The following MPHOSPH9 variants were observed in gnomAD, a reference collection of about 807,000 sequenced individuals.
MPHOSPH9 encodes M-phase phosphoprotein 9.
MPHOSPH9 carries 88 observed loss-of-function variants against 145.5 expected under a neutral mutation model. That is an observed-to-expected ratio of 0.60 (90% CI 0.51 to 0.72). The LOEUF is 0.72. MPHOSPH9 is among the 30% of genes least tolerant of loss of function. MPHOSPH9 has a pLI of 0.00. For missense variants in MPHOSPH9, 1,238 were observed against 1,386.6 expected, an observed-to-expected ratio of 0.89 and a Z score of 1.70; for synonymous variants, 435 against 486.2, an observed-to-expected ratio of 0.89 and a Z score of 1.39.
In MPHOSPH9 at chr12:123,191,864, A is replaced by G. The variant is rs572069402; in HGVS notation, c.2241+2522T>C. Among the ~76,000 whole-genome samples the G allele has an allele frequency of 9.2e-5, 14 of 152,294 alleles. No homozygotes were observed. In the East Asian group the frequency reaches 2.3e-3, roughly 25 times the overall value. Reference sequence around the variant, plus strand: ...GTAAAGAACCGCAATCCACTGAGTAAAATAAGAATCCATCAATCTTCTTTA... The same window carrying G: ...GTAAAGAACCGCAATCCACTGAGTAGAATAAGAATCCATCAATCTTCTTTA... On this transcript the variant is annotated intron_variant, in intron 13 of 23. Transcript: ENST00000606320.
intron 13 of MPHOSPH9, 54 bp downstream of exon 13, chr12:123,194,332 C>T (rs904273226): frequency 9.6e-7 from 1 of 1,045,636 alleles, no homozygotes; most frequent in Non-Finnish European, 1.4e-6. Context: ...GAGTATAATA[C>T]CTAAATTACT....
intron 3 of MPHOSPH9, among the ~76,000 whole-genome samples, chr12:123,225,929 G>A (rs1039678933): frequency 2.0e-5 from 3 of 152,084 alleles, no homozygotes; most frequent in Non-Finnish European, 2.9e-5. Flanking sequence ...TCAGCTACTC[G>A]GGAGACTGAG....
intron 23 of MPHOSPH9, among the ~76,000 whole-genome samples, chr12:123,158,247 AG>A (rs1224211143): frequency 6.6e-6 from 1 of 151,882 alleles, no homozygotes; most frequent in African/African-American, 2.4e-5. Flanking sequence ...TGCCCACCTC[AG>A]CCTCCCAAAG....
At position 123,163,199 on chromosome 12, in the gene MPHOSPH9, A is replaced by T. The variant is rs78475793; in HGVS notation, c.2909-65T>A. Reference sequence around the variant, plus strand: ...ATATGTATCAGCATAACAGTTTCTTATTCAGTATTTTTTTTCTAATTTTGA... The same window carrying T: ...ATATGTATCAGCATAACAGTTTCTTTTTCAGTATTTTTTTTCTAATTTTGA... On this transcript the variant is annotated intron_variant, in intron 19 of 23. Transcript: ENST00000606320. The T allele has an allele frequency of 1.1e-4, 154 of 1,445,842 alleles. No homozygotes were observed. In the African/African-American group the frequency reaches 2.1e-3, roughly 19 times the overall value. The allele number at this position is 1,445,842 out of a possible 1,614,324, so 89.6% of individuals were successfully genotyped here. A position where few individuals can be genotyped will look rare whatever the true frequency, so the allele number is the denominator to read the frequency against.
At chr12:123,193,126 C>G (rs1005413289) in intron 13 of MPHOSPH9, among the ~76,000 whole-genome samples, 15 of 142,942 alleles carry the variant, frequency 1.0e-4, no homozygotes, top group Non-Finnish European at 2.3e-4. Context: ...CACACACACA[C>G]ACACACACAC....
chr12:123,198,168 A>C, intron 12 of MPHOSPH9, 79 bp downstream of exon 12: 1 of 1,091,782 alleles, frequency 9.2e-7, no homozygotes, highest in Non-Finnish European at 1.4e-6. Flanking sequence ...TTCCTTAAAA[A>C]GACAAGAAAC....
Position 123,202,220 on chromosome 12 carries a change from T to C in MPHOSPH9, c.1881A>G (p.Ala627=), listed in dbSNP as rs1297570008. ...AATCTTCAACTCCAGAGATTTCTTT[T>C]GCCTCCAGCTTCTGTTTCAAACTAT... ...EINSLKQKLE[A]KEISGVEDWK... Residue 627 remains alanine (A), a synonymous_variant, in exon 11 of 24, where the codon GCA becomes GCG. Coordinates refer to ENST00000606320, the MANE Select transcript of MPHOSPH9 (RefSeq NM_022782.4). 1 of 1,613,630 alleles carries C rather than the reference T, an allele frequency of 6.2e-7. No individual in the cohort carries two copies. The highest frequency in any genetic ancestry group is 1.1e-5 in the South Asian group (1 of 90,914).
At chr12:123,173,866 T>C (rs535903420) in intron 16 of MPHOSPH9, among the ~76,000 whole-genome samples, 1 of 152,346 alleles carries the variant, frequency 6.6e-6, no homozygotes, top group South Asian at 2.1e-4. Flanking sequence ...TAAGCCACTC[T>C]GGCAAATTAA....
intron 16 of MPHOSPH9, among the ~76,000 whole-genome samples, chr12:123,171,645 A>G (rs1250137654): frequency 6.7e-6 from 1 of 150,210 alleles, no homozygotes; most frequent in Non-Finnish European, 1.5e-5. Context: ...GCTACTTGGG[A>G]AGCTGAGGCA....
At chr12:123,169,588 T>C (rs994110198) in intron 16 of MPHOSPH9, among the ~76,000 whole-genome samples, 11 of 151,968 alleles carry the variant, frequency 7.2e-5, no homozygotes, top group African/African-American at 2.7e-4. Context: ...TTTTAATAAA[T>C]GCTAAGATCT....
At chr12:123,152,429 A>C (rs1279666914), downstream of MPHOSPH9, 2 of 369,996 alleles carry the variant, frequency 5.4e-6, no homozygotes, top group Non-Finnish European at 1.1e-5. Flanking sequence ...GGCTAGATTC[A>C]GAAACAACTG....
intron 12 of MPHOSPH9, among the ~76,000 whole-genome samples, chr12:123,197,796 A>G (rs928583466): frequency 2.1e-5 from 3 of 143,000 alleles, no homozygotes; most frequent in African/African-American, 7.9e-5. Flanking sequence ...AAAAGAAAAA[A>G]AAAAAAAAAG....
At chr12:123,191,732 T>C (rs770953325) in intron 13 of MPHOSPH9, among the ~76,000 whole-genome samples, 1 of 152,192 alleles carries the variant, frequency 6.6e-6, no homozygotes, top group South Asian at 2.1e-4. Context: ...CCAGGAAATA[T>C]GGACATGCTC....
chr12:123,217,590 G>A (rs2047021590), intron 6 of MPHOSPH9, among the ~76,000 whole-genome samples: 1 of 151,990 alleles, frequency 6.6e-6, no homozygotes, highest in African/African-American at 2.4e-5. Flanking sequence ...ATTACTCTCT[G>A]GCTAAATGTA....
At chr12:123,201,257 T>TA (rs1336178960) in intron 11 of MPHOSPH9, among the ~76,000 whole-genome samples, 1 of 150,440 alleles carries the variant, frequency 6.6e-6, no homozygotes, top group African/African-American at 2.4e-5. Flanking sequence ...TTTTGAAAGT[T>TA]AAACTGTTAA....
At position 123,165,204 on chromosome 12, in the gene MPHOSPH9, TTTTAA is replaced by T. The variant is rs1257569130; in HGVS notation, c.2767+93_2767+97del. ...AATAGCAAGTTTACAGAGCTAAAAC[TTTTAA>T]TTTCATTACCTAAATATTTTAATTT... is the stretch of plus-strand genomic sequence containing the variant. On this transcript the variant is annotated intron_variant, in intron 18 of 23. Transcript: ENST00000606320. 3 of 1,235,780 alleles carry T rather than the reference TTTTAA, an allele frequency of 2.4e-6. No individual in the cohort carries two copies. In the African/African-American group the frequency reaches 4.6e-5, roughly 19 times the overall value. The allele number at this position is 1,235,780 out of a possible 1,614,324, so 76.6% of individuals were successfully genotyped here.
rs908689786 is a variant in MPHOSPH9, at chr12:123,230,534, T to C, written c.-158-12A>G. 1.5e-5 allele frequency: 7 copies of C among 452,294 alleles called. No individual in the cohort carries two copies. The highest frequency in any genetic ancestry group is 1.4e-4 in the African/African-American group (7 of 49,128). 28.0% of individuals were successfully genotyped at this position (452,294 alleles called of 1,614,324 possible). A position where few individuals can be genotyped will look rare whatever the true frequency, so the allele number is the denominator to read the frequency against. On this transcript the variant is annotated splice_polypyrimidine_tract_variant and intron_variant, in intron 1 of 23. Coordinates refer to ENST00000606320, the MANE Select transcript of MPHOSPH9 (RefSeq NM_022782.4). ...ACTTCCAAGAGAGTCTGAAAATGAATGGGGGAAAAAAATACTACTATAAAA... is the reference window on the plus strand; with the variant it reads ...ACTTCCAAGAGAGTCTGAAAATGAACGGGGGAAAAAAATACTACTATAAAA...
chr12:123,225,370 A>G (rs2047393648), intron 3 of MPHOSPH9, among the ~76,000 whole-genome samples: 1 of 150,986 alleles, frequency 6.6e-6, no homozygotes, highest in Non-Finnish European at 1.5e-5. Context: ...CTTGAGCCCA[A>G]GAGGTTGAAG....
chr12:123,211,345 T>C (rs1284226448), intron 7 of MPHOSPH9, among the ~76,000 whole-genome samples: 1 of 152,132 alleles, frequency 6.6e-6, no homozygotes, highest in Non-Finnish European at 1.5e-5. Flanking sequence ...GGTCTCAAAC[T>C]CCTGATCTCA....
Sources: allele counts gnomAD v4.1 joint callset (sites outside exome capture counted in the v4.1 genomes callset), GRCh38; gene constraint gnomAD v4.1.1; transcripts MANE v1.5; gene names NCBI Gene and HGNC (gene_info 2026-07-23, HGNC 2026-07-21).